SPIRE2: variants seen among roughly 807,000 people sequenced by gnomAD.
SPIRE2 encodes protein spire homolog 2.
Under a neutral mutation model 80.7 loss-of-function variants are expected in SPIRE2, and 76 were observed. The ratio of observed to expected loss-of-function variants is 0.94; its 90% CI spans 0.78 to 1.14. SPIRE2 has a LOEUF of 1.14. Ranked by LOEUF, SPIRE2 falls within the 50% of genes most tolerant of loss-of-function variation. The pLI is 0.00. For missense variants in SPIRE2, 1,196 were observed against 1,015.3 expected (o/e 1.18, Z -2.42); for synonymous variants, 535 against 432.6 (o/e 1.24, Z -2.94).
chr16:89,862,326 G>T (rs1231313696), intron 10 of SPIRE2: 1 of 152,200 alleles, frequency 6.6e-6, no homozygotes, highest in Non-Finnish European at 1.5e-5. Context: ...GGGATCACAG[G>T]CGTGAGCCAC....
At chr16:89,865,400 GGTAGACT>G (rs1382241305) in intron 12 of SPIRE2, among the ~76,000 whole-genome samples, 1 of 152,088 alleles carries the variant, frequency 6.6e-6, no homozygotes, top group African/African-American at 2.4e-5. Flanking sequence ...ATTACTTAAA[GGTAGACT>G]GTGATAAGTT....
At chr16:89,845,297 A>C (rs763056452) in intron 1 of SPIRE2, 25 bp from the exon 2 acceptor site, 2 of 1,613,048 alleles carry the variant, frequency 1.2e-6, no homozygotes, top group Admixed American at 1.7e-5. Flanking sequence ...GCTGACAAAT[A>C]ACTTAACTCC....
intron 2 of SPIRE2, among the ~76,000 whole-genome samples, chr16:89,848,827 C>A (rs891842628): frequency 4.3e-4 from 64 of 149,982 alleles, no homozygotes; most frequent in African/African-American, 1.5e-3. Flanking sequence ...GGTTCCAGGG[C>A]CTTCTGCGGC....
At chr16:89,853,321 G>A (rs1290752751) in intron 3 of SPIRE2, among the ~76,000 whole-genome samples, 2 of 150,726 alleles carry the variant, frequency 1.3e-5, no homozygotes, top group Non-Finnish European at 3.0e-5. Flanking sequence ...CTTTCTTTAG[G>A]AGGAAACGGC....
chr16:89,848,593 G>A (rs2041588111), intron 2 of SPIRE2, among the ~76,000 whole-genome samples: 1 of 150,586 alleles, frequency 6.6e-6, no homozygotes, highest in Non-Finnish European at 1.5e-5. Flanking sequence ...GGACAGACGA[G>A]GCAGGTTCCA....
chr16:89,839,707 G>C (rs2041485773), intron 1 of SPIRE2, among the ~76,000 whole-genome samples: 1 of 152,196 alleles, frequency 6.6e-6, no homozygotes, highest in Non-Finnish European at 1.5e-5. Flanking sequence ...CAAATGCTAT[G>C]GCCTCATCAA....
intron 12 of SPIRE2, among the ~76,000 whole-genome samples, chr16:89,864,508 C>T (rs551037866): frequency 1.1e-4 from 17 of 152,338 alleles, no homozygotes; most frequent in East Asian, 1.9e-4. Context: ...CGCTCAGCCA[C>T]GCCTAAAAGG....
chr16:89,855,151 G>C (rs966759003), intron 5 of SPIRE2, among the ~76,000 whole-genome samples: 3 of 152,144 alleles, frequency 2.0e-5, no homozygotes, highest in African/African-American at 7.2e-5. Flanking sequence ...TGTTAGCCAC[G>C]ATGGTCTCGA....
At position 89,858,440 on chromosome 16, in the gene SPIRE2, G is replaced by A. The variant is rs138062117; in HGVS notation, c.1205G>A (p.Arg402His). The A allele has an allele frequency of 3.0e-4, 481 of 1,611,634 alleles. 2 individuals carry two copies. The highest frequency in any genetic ancestry group is 5.6e-4 in the African/African-American group (42 of 75,028). ...SVTDAGGSAQ[R>H]PRPRVLLKAP... ...ACAGATGCTGGGGGCAGCGCCCAGC[G>A]CCCGCGGCCCCGCGTGCTGCTCAAG... The change falls in exon 8 of 15, where the codon CGC becomes CAC. Residue 402 changes from arginine to histidine, a missense_variant. Arg to His is a conservative substitution (Grantham distance 29). Coordinates refer to ENST00000378247, the MANE Select transcript of SPIRE2 (RefSeq NM_032451.2).
Position 89,863,444 on chromosome 16 carries a change from TAGA to T in SPIRE2, c.1576-28_1576-26del. On this transcript the variant is annotated intron_variant, in intron 10 of 14. Transcript: ENST00000378247. This position sits in a 1 kb window ranked among gnomAD's most constrained non-coding sequence, Gnocchi z 4.3. ...GAGTAAGCTAGGGGAGCCTCCTGCA[TAGA>T]AGACTTCCTACCTGAGGCCGTCCCC... The T allele has an allele frequency of 6.2e-7, 1 of 1,613,266 alleles. No homozygotes were observed. The highest frequency in any genetic ancestry group is 8.5e-7 in the Non-Finnish European group (1 of 1,179,738).
chr16:89,859,193 C>T lies in SPIRE2; in HGVS notation c.1301C>T (p.Thr434Met), dbSNP rs773658284. The change falls in exon 9 of 15, where the codon ACG (threonine) becomes ATG (methionine). Residue 434 changes from threonine (T) to methionine (M), a missense_variant. Coordinates refer to ENST00000378247, the MANE Select transcript of SPIRE2 (RefSeq NM_032451.2). ...GAAGAGTCTCCGTGTGGGGAGGTGA[C>T]GCTGAAACGGGACCGCTCCTTCTCA... ...EEEESPCGEVTLKRDRSFSEH... is the reference protein window; with the variant it reads ...EEEESPCGEVMLKRDRSFSEH... 21 of 1,595,442 alleles carry T rather than the reference C, an allele frequency of 1.3e-5. No homozygotes were observed. The Middle Eastern group carries it at 5.0e-4, about 38-fold the overall frequency.
At chr16:89,867,662 G>A (rs1239926827) in intron 12 of SPIRE2, among the ~76,000 whole-genome samples, 1 of 150,076 alleles carries the variant, frequency 6.7e-6, no homozygotes, top group Non-Finnish European at 1.5e-5. Context: ...TCAGCTCACT[G>A]CAACCTCCAC....
At chr16:89,835,807 C>T (rs1249148467) in intron 1 of SPIRE2, among the ~76,000 whole-genome samples, 1 of 152,196 alleles carries the variant, frequency 6.6e-6, no homozygotes, top group Non-Finnish European at 1.5e-5. Context: ...CTCCTCATTC[C>T]AAAGACCCCT....
chr16:89,840,180 C>G (rs1437729730), intron 1 of SPIRE2, among the ~76,000 whole-genome samples: 1 of 151,980 alleles, frequency 6.6e-6, no homozygotes, highest in East Asian at 1.9e-4. Context: ...CCTCTTGAAG[C>G]TGCTGGAGGA....
At chr16:89,855,888 G>A in intron 6 of SPIRE2, 1 of 952,262 alleles carries the variant, frequency 1.1e-6, no homozygotes, top group Non-Finnish European at 1.5e-6. Context: ...CTTTTTCTGG[G>A]AAGGGGCCAT....
chr16:89,859,320 T>C lies in SPIRE2; in HGVS notation c.1428T>C (p.Ser476=), dbSNP rs1448892642. The change falls in exon 9 of 15, where the codon AGT becomes AGC. Residue 476 remains serine, a synonymous_variant. Transcript: ENST00000378247. ...AGCCACCACGGCCCCGAGCTGGCAG[T>C]GCGCATGTGTGGAGGCCCGGCTCCC... ...GTEPPRPRAG[S]AHVWRPGSRD... 11 of 1,587,544 alleles carry C rather than the reference T, an allele frequency of 6.9e-6. No homozygotes were observed. The highest frequency in any genetic ancestry group is 6.8e-5 in the East Asian group (3 of 43,850).
At chr16:89,834,556 G>T in intron 1 of SPIRE2, among the ~76,000 whole-genome samples, 1 of 111,230 alleles carries the variant, frequency 9.0e-6, no homozygotes, top group African/African-American at 3.5e-5. Flanking sequence ...CCGCATTCGC[G>T]GTTGGCCGTC....
intron 1 of SPIRE2, among the ~76,000 whole-genome samples, chr16:89,839,049 T>G (rs764018462): frequency 2.0e-5 from 3 of 150,952 alleles, no homozygotes; most frequent in African/African-American, 7.3e-5. Flanking sequence ...AGTGTTAAAC[T>G]GTTAGGAGGG....
At chr16:89,848,265 C>T (rs987955741) in intron 2 of SPIRE2, among the ~76,000 whole-genome samples, 1 of 152,232 alleles carries the variant, frequency 6.6e-6, no homozygotes, top group Admixed American at 6.5e-5. Flanking sequence ...TGTCACTGGT[C>T]GGGTGTGGCT....
Sources: gnomAD v4.1 joint callset for allele counts (sites outside exome capture counted in the v4.1 genomes callset) on GRCh38, gnomAD v4.1.1 for gene constraint, Gnocchi (gnomAD v3.1) non-coding constraint, MANE v1.5 for transcripts, NCBI Gene and HGNC (gene_info 2026-07-23, HGNC 2026-07-21) for gene names.